The following ANKRD16 variants were observed in gnomAD, a reference collection of about 807,000 sequenced individuals.
ANKRD16 encodes ankyrin repeat domain-containing protein 16.
Under a neutral mutation model 37.9 loss-of-function variants are expected in ANKRD16, and 35 were observed. The ratio of observed to expected loss-of-function variants is 0.92; its 90% CI spans 0.71 to 1.23. ANKRD16 has a LOEUF of 1.23. Ranked by LOEUF, ANKRD16 falls within the 50% of genes most tolerant of loss-of-function variation. The pLI is 0.00. For synonymous variants in ANKRD16, 206 were observed against 197.2 expected (o/e 1.04, Z -0.37); for missense variants, 480 against 469.9 (o/e 1.02, Z -0.20).
rs1589011527 is a variant in ANKRD16, at chr10:5,864,784, GGAGAATTA to G, written c.*34-2101_*34-2094del. On this transcript the variant is annotated intron_variant, in intron 7 of 7. Transcript: ENST00000380094. The surrounding 1 kb of genome is among the most constrained non-coding windows in gnomAD (Gnocchi z 4.4). ...CTGATCTGTGTTCTAGAAGGACAAAGGAGAATTAGGAAAAAGCCTGTGAATTATTTGAT... is the reference window on the plus strand; with the variant it reads ...CTGATCTGTGTTCTAGAAGGACAAAGGGAAAAAGCCTGTGAATTATTTGAT... Among the ~76,000 whole-genome samples the G allele has an allele frequency of 6.6e-6, 1 of 152,166 alleles. No individual in the cohort carries two copies. Among genetic ancestry groups the G allele is most frequent in the East Asian group, 1.9e-4 (1 of 5,202 alleles).
rs913200346 is a variant in ANKRD16, at chr10:5,871,519, T to C, written c.*33+6578A>G. 6.6e-6 allele frequency among the ~76,000 whole-genome samples: 1 copy of C among 152,242 alleles called. No homozygotes were observed. Among genetic ancestry groups the C allele is most frequent in the African/African-American group, 2.4e-5 (1 of 41,456 alleles). ...AAGTCCACATTATTATCCATTCTTG[T>C]AGGAAACGTAATAAATGTGCTCCAC... On this transcript the variant is annotated intron_variant, in intron 7 of 7. Transcript: ENST00000380094. This position sits in a 1 kb window ranked among gnomAD's most constrained non-coding sequence, Gnocchi z 4.5.
At chr10:5,876,419 GA>G (rs903679551) in intron 7 of ANKRD16, among the ~76,000 whole-genome samples, 4 of 152,210 alleles carry the variant, frequency 2.6e-5, no homozygotes, top group African/African-American at 9.7e-5. Flanking sequence ...TGTGTGTGCT[GA>G]GGGGAAAGAG....
At chr10:5,879,707 C>T (rs1185983794) in intron 6 of ANKRD16, among the ~76,000 whole-genome samples, 2 of 23,310 alleles carry the variant, frequency 8.6e-5, no homozygotes, top group East Asian at 3.1e-3. Flanking sequence ...AAAGAAACTG[C>T]TTTTATGATG....
intron 3 of ANKRD16, among the ~76,000 whole-genome samples, chr10:5,884,592 TATGGTGGCATGCACCTGC>T (rs1842383557): frequency 6.6e-6 from 1 of 151,856 alleles, no homozygotes; most frequent in Admixed American, 6.6e-5. Flanking sequence ...ATTAGCCAGG[TATGGTGGCATGCACCTGC>T]AATCCCAGCT....
intron 2 of ANKRD16, 45 bp downstream of exon 2, chr10:5,887,802 C>G: frequency 6.5e-7 from 1 of 1,542,046 alleles, no homozygotes; most frequent in Non-Finnish European, 8.8e-7. Context: ...CTGGGTGAAG[C>G]AGCCACATGT....
intron 7 of ANKRD16, among the ~76,000 whole-genome samples, chr10:5,867,303 T>C (rs542995909): frequency 1.5e-4 from 23 of 152,346 alleles, no homozygotes; most frequent in South Asian, 1.2e-3. Flanking sequence ...GACAGGACCA[T>C]AGATGGTTCC....
chr10:5,872,579 T>G (rs545210946), intron 7 of ANKRD16, among the ~76,000 whole-genome samples: 3 of 151,806 alleles, frequency 2.0e-5, no homozygotes, highest in Non-Finnish European at 3.0e-5. Flanking sequence ...TTTTTTGAGA[T>G]GGAATCTCAC....
In ANKRD16 at chr10:5,872,282, C is replaced by T. The variant is rs181155101; in HGVS notation, c.*33+5815G>A. 3.5e-3 allele frequency among the ~76,000 whole-genome samples: 528 copies of T among 152,070 alleles called. 14 individuals carry two copies. The highest frequency in any genetic ancestry group is 0.028 in the Admixed American group (433 of 15,266). On this transcript the variant is annotated intron_variant, in intron 7 of 7. Transcript: ENST00000380094. ...TCACTCGAGGTCAGGAGTTTGAGAC[C>T]AGCCTGGCCAACATGGTGAAACCCT...
chr10:5,886,452 A>G (rs1016449974), intron 2 of ANKRD16, among the ~76,000 whole-genome samples: 4 of 152,204 alleles, frequency 2.6e-5, no homozygotes, highest in Non-Finnish European at 2.9e-5. Flanking sequence ...TTAGCTGGGC[A>G]TGGTGGCATG....
intron 3 of ANKRD16, among the ~76,000 whole-genome samples, chr10:5,885,241 C>T (rs923217566): frequency 2.6e-5 from 4 of 151,976 alleles, no homozygotes; most frequent in Non-Finnish European, 4.4e-5. Context: ...ACTGCAGTGG[C>T]GCGATCTCGG....
rs1326228456 is a variant in ANKRD16 at position 5,863,754 on chromosome 10, G to T, written c.*34-1063C>A. ...GTCTGCGGCTTCATTCCTGAAGTCA[G>T]CAAGACCACAAACCCACTGGGAAGA... On this transcript the variant is annotated intron_variant, in intron 7 of 7. Transcript: ENST00000380094. The surrounding 1 kb of genome is among the most constrained non-coding windows in gnomAD (Gnocchi z 4.7). Among the ~76,000 whole-genome samples the T allele has an allele frequency of 6.6e-6, 1 of 152,166 alleles. No homozygotes were observed. The highest frequency in any genetic ancestry group is 1.5e-5 in the Non-Finnish European group (1 of 68,046).
At chr10:5,883,512 C>G (rs1254240234) in intron 4 of ANKRD16, among the ~76,000 whole-genome samples, 3 of 152,130 alleles carry the variant, frequency 2.0e-5, no homozygotes, top group Non-Finnish European at 1.5e-5. Flanking sequence ...CTAGGCTGGT[C>G]TCAAATTCCT....
At chr10:5,888,099 A>G in intron 1 of ANKRD16, 32 bp from the exon 2 acceptor site, 1 of 1,594,128 alleles carries the variant, frequency 6.3e-7, no homozygotes, top group East Asian at 2.2e-5. Flanking sequence ...TGTCAGATGG[A>G]GGCAGCTGAG....
intron 5 of ANKRD16, 89 bp from the exon 6 acceptor site, chr10:5,880,465 AT>A: frequency 1.4e-6 from 1 of 699,562 alleles, no homozygotes; most frequent in Non-Finnish European, 2.3e-6. Context: ...GTCTCAATCA[AT>A]TTAGAAGTTT....
At chr10:5,885,930 T>C (rs984307135) in intron 2 of ANKRD16, among the ~76,000 whole-genome samples, 165 bp from the exon 3 acceptor site, 8 of 152,228 alleles carry the variant, frequency 5.3e-5, no homozygotes, top group African/African-American at 1.9e-4. Context: ...AATATTTAAC[T>C]GGATAAAGCG....
chr10:5,881,689 ATT>A (rs71388495), intron 5 of ANKRD16, among the ~76,000 whole-genome samples: 4,572 of 113,198 alleles, frequency 0.04, 209 homozygotes, highest in African/African-American at 0.13. Context: ...GATGGTCTTG[ATT>A]TTTTTTTTTT....
At chr10:5,888,176 G>A in intron 1 of ANKRD16, 109 bp from the exon 2 acceptor site, 2 of 1,022,950 alleles carry the variant, frequency 2.0e-6, no homozygotes, top group African/African-American at 1.6e-5. Context: ...AAACCTAGAG[G>A]ATTCAGGGGT....
intron 3 of ANKRD16, 122 bp from the exon 4 acceptor site, chr10:5,884,199 C>G: frequency 1.5e-6 from 1 of 683,824 alleles, no homozygotes; most frequent in Non-Finnish European, 2.5e-6. Flanking sequence ...GCATGGAGCT[C>G]TCTCTATTCT....
Position 5,863,736 on chromosome 10 carries a change from G to A in ANKRD16, c.*34-1045C>T, listed in dbSNP as rs1312644567. The stretch of plus-strand genomic sequence containing the variant: ...ATAACACTCACCGTGAGGGTCTGCG[G>A]CTTCATTCCTGAAGTCAGCAAGACC... On this transcript the variant is annotated intron_variant, in intron 7 of 7. Transcript: ENST00000380094. The surrounding 1 kb of genome is among the most constrained non-coding windows in gnomAD (Gnocchi z 4.7). Among the ~76,000 whole-genome samples the A allele has an allele frequency of 6.6e-6, 1 of 152,114 alleles. No individual in the cohort carries two copies. The highest frequency in any genetic ancestry group is 1.5e-5 in the Non-Finnish European group (1 of 68,036).
Sources: allele counts gnomAD v4.1 joint callset (sites outside exome capture counted in the v4.1 genomes callset), GRCh38; gene constraint gnomAD v4.1.1; non-coding constraint Gnocchi (gnomAD v3.1); transcripts MANE v1.5; gene names NCBI Gene and HGNC (gene_info 2026-07-23, HGNC 2026-07-21).